Variants in RAD51B observed in about 807,000 individuals in gnomAD.
RAD51B encodes the protein RAD51 paralog B, also known as DNA repair protein RAD51 homolog 2.
RAD51B carries 38 observed loss-of-function variants against 42.2 expected under a neutral mutation model. The ratio of observed to expected loss-of-function variants is 0.90; its 90% CI spans 0.70 to 1.18. RAD51B has a LOEUF of 1.18. RAD51B is among the 50% of genes most tolerant of loss of function. The pLI, the probability that RAD51B is intolerant of heterozygous loss-of-function variation, is 0.00. For synonymous variants in RAD51B, 154 were observed against 145.2 expected (o/e 1.06, Z -0.43); for missense variants, 373 against 400.7 (o/e 0.93, Z 0.59).
intron 11 of RAD51B, among the ~76,000 whole-genome samples, chr14:68,656,810 C>T (rs540358016): frequency 1.3e-5 from 2 of 152,308 alleles, no homozygotes; most frequent in South Asian, 4.1e-4. Flanking sequence ...GAGCTCCTGG[C>T]TCCCAGCCCC....
chr14:68,223,704 GAA>G (rs35890856), intron 7 of RAD51B, among the ~76,000 whole-genome samples: 26,511 of 152,022 alleles, frequency 0.17, 2,441 homozygotes, highest in Middle Eastern at 0.36. Flanking sequence ...GGAAAGAAAA[GAA>G]AATCCTACCT....
At chr14:68,512,833 G>T (rs1371331359) in intron 10 of RAD51B, among the ~76,000 whole-genome samples, 2 of 152,062 alleles carry the variant, frequency 1.3e-5, no homozygotes, top group African/African-American at 4.8e-5. Context: ...GCAGTGAGGG[G>T]TGCACTATTT....
At chr14:68,011,977 A>T (rs1335494661) in intron 7 of RAD51B, among the ~76,000 whole-genome samples, 1 of 152,126 alleles carries the variant, frequency 6.6e-6, no homozygotes, top group Admixed American at 6.6e-5. Context: ...GGCTGTCATG[A>T]ATCTCAATAA....
rs12590348 is a variant in RAD51B at position 68,512,666 on chromosome 14, A to C, written c.1036+44416A>C. ...AATATTCAGTGAGCACCCATGTGGCAGCCTCTCTTCTAGAAACTGGAGATA... is the reference window on the plus strand; with the variant it reads ...AATATTCAGTGAGCACCCATGTGGCCGCCTCTCTTCTAGAAACTGGAGATA... On this transcript the variant is annotated intron_variant, in intron 10 of 10. Coordinates refer to the RAD51B transcript ENST00000487270. 9.5e-4 allele frequency among the ~76,000 whole-genome samples: 144 copies of C among 152,276 alleles called. 1 individual carries two copies. The East Asian group carries it at 0.026, about 27-fold the overall frequency.
intron 5 of RAD51B, among the ~76,000 whole-genome samples, chr14:67,878,726 G>A (rs1319578238): frequency 6.6e-6 from 1 of 151,932 alleles, no homozygotes; most frequent in Non-Finnish European, 1.5e-5. Flanking sequence ...TTTTTGAGAT[G>A]GAGTCTCACT....
chr14:68,563,561 C>A, intron 10 of RAD51B: 1 of 985,428 alleles, frequency 1.0e-6, no homozygotes. Context: ...TTAGAACCAG[C>A]CATTTCTTGT....
At chr14:68,242,299 G>A (rs543784007) in intron 7 of RAD51B, among the ~76,000 whole-genome samples, 10 of 152,268 alleles carry the variant, frequency 6.6e-5, no homozygotes, top group African/African-American at 1.9e-4. Context: ...GGGAGTGGTT[G>A]GAGGTGACTG....
chr14:68,557,078 C>T (rs1357495671), intron 10 of RAD51B, among the ~76,000 whole-genome samples: 5 of 152,178 alleles, frequency 3.3e-5, no homozygotes, highest in African/African-American at 9.6e-5. Flanking sequence ...GAAGCATCTT[C>T]GGCTCCTTTC....
At chr14:68,393,420 G>A (rs1853018931) in intron 8 of RAD51B, among the ~76,000 whole-genome samples, 1 of 152,316 alleles carries the variant, frequency 6.6e-6, no homozygotes, top group Non-Finnish European at 1.5e-5. Flanking sequence ...CTCATACTGA[G>A]GCTGTGTTAT....
chr14:67,973,660 G>A (rs1053363848), intron 7 of RAD51B, among the ~76,000 whole-genome samples: 3 of 152,042 alleles, frequency 2.0e-5, no homozygotes, highest in Non-Finnish European at 2.9e-5. Context: ...GTCATCCTGG[G>A]TGGCAGCTGT....
At chr14:68,063,761 G>A (rs1175731493) in intron 7 of RAD51B, among the ~76,000 whole-genome samples, 1 of 152,030 alleles carries the variant, frequency 6.6e-6, no homozygotes, top group African/African-American at 2.4e-5. Flanking sequence ...AAATAAAAAG[G>A]TGTCAGGCAC....
chr14:67,994,587 T>C (rs2075350798), intron 7 of RAD51B, among the ~76,000 whole-genome samples: 1 of 152,178 alleles, frequency 6.6e-6, no homozygotes, highest in Non-Finnish European at 1.5e-5. Flanking sequence ...TTTGTATGAC[T>C]AAGCTCAAGC....
chr14:68,263,494 T>A (rs2080927306), intron 7 of RAD51B, among the ~76,000 whole-genome samples: 1 of 152,232 alleles, frequency 6.6e-6, no homozygotes, highest in Non-Finnish European at 1.5e-5. Context: ...AACTTAAATC[T>A]GATTTTATAA....
chr14:68,260,489 G>A (rs1033911821), intron 7 of RAD51B, among the ~76,000 whole-genome samples: 1 of 152,064 alleles, frequency 6.6e-6, no homozygotes, highest in Non-Finnish European at 1.5e-5. Flanking sequence ...CCAGACCCAA[G>A]GAAAGCTGTA....
At position 68,457,755 on chromosome 14, in the gene RAD51B, C is replaced by T. The variant is rs886329316; in HGVS notation, c.958-10417C>T. On this transcript the variant is annotated intron_variant, in intron 9 of 10. Transcript: ENST00000471583. ...CTGGGATTACAGGCACGTGCCACCA[C>T]GCCCAGCTAATTTTTGTATTTTTTT... Among the ~76,000 whole-genome samples the T allele has an allele frequency of 8.0e-5, 12 of 150,912 alleles. No homozygotes were observed. The East Asian group carries it at 1.4e-3, about 17-fold the overall frequency.
chr14:67,826,557 T>TATTGAA (rs1442397913), intron 3 of RAD51B, among the ~76,000 whole-genome samples: 1 of 152,216 alleles, frequency 6.6e-6, no homozygotes, highest in Non-Finnish European at 1.5e-5. Context: ...TACTGCCTTA[T>TATTGAA]ATTGAAATTT....
chr14:68,522,708 A>G (rs916515285), intron 10 of RAD51B, among the ~76,000 whole-genome samples: 6 of 152,226 alleles, frequency 3.9e-5, no homozygotes, highest in African/African-American at 1.4e-4. Context: ...AGAGAAAAGC[A>G]AAACAAACCA....
At chr14:68,316,382 C>G (rs1044575487) in intron 8 of RAD51B, among the ~76,000 whole-genome samples, 2 of 152,210 alleles carry the variant, frequency 1.3e-5, no homozygotes, top group African/African-American at 4.8e-5. Context: ...TGGGGAGCCA[C>G]TAGTGAAAAT....
At chr14:68,217,474 T>G (rs924089941) in intron 7 of RAD51B, among the ~76,000 whole-genome samples, 6 of 152,332 alleles carry the variant, frequency 3.9e-5, no homozygotes, top group African/African-American at 1.4e-4. Flanking sequence ...TACTCTATGA[T>G]GCGGGTGCAT....
Sources: gnomAD v4.1 joint callset for allele counts (sites outside exome capture counted in the v4.1 genomes callset) on GRCh38, gnomAD v4.1.1 for gene constraint, MANE v1.5 for transcripts, NCBI Gene and HGNC (gene_info 2026-07-23, HGNC 2026-07-21) for gene names.